Variants in CDC42BPG observed in about 807,000 individuals in gnomAD.
CDC42BPG encodes serine/threonine-protein kinase MRCK gamma.
Under a neutral mutation model 192.2 loss-of-function variants are expected in CDC42BPG, and 157 were observed. The ratio of observed to expected loss-of-function variants is 0.82; its 90% CI spans 0.72 to 0.93. CDC42BPG has a LOEUF of 0.93. Ranked by LOEUF, CDC42BPG falls within the 40% of genes least tolerant of loss-of-function variation. CDC42BPG has a pLI of 0.00. For missense variants in CDC42BPG, 1,992 were observed against 2,122.1 expected (o/e 0.94, Z 1.20); for synonymous variants, 981 against 918.5 (o/e 1.07, Z -1.23).
chr11:64,827,474 G>T, intron 32 of CDC42BPG, 53 bp downstream of exon 32: 3 of 1,603,982 alleles, frequency 1.9e-6, no homozygotes, highest in Non-Finnish European at 2.6e-6. Flanking sequence ...GGGCCACACA[G>T]CCACACGTGC....
chr11:64,836,940 G>A lies in CDC42BPG; in HGVS notation c.1285C>T (p.Leu429=). ...LQCLEQEKVE[L]SRKHQEALHA... ...CCAGTACCTTGGTGCTTCCTGCTCA[G>A]CTCCACCTTCTCCTGCTCCAGACAC... is the stretch of plus-strand genomic sequence containing the variant. Residue 429 remains leucine (L), a synonymous_variant, in exon 10 of 37, where the codon CTG becomes TTG. Coordinates refer to ENST00000342711, the MANE Select transcript of CDC42BPG (RefSeq NM_017525.3). 6.2e-7 allele frequency: 1 copy of A among 1,613,502 alleles called. No homozygotes were observed. Among genetic ancestry groups the A allele is most frequent in the Non-Finnish European group, 8.5e-7 (1 of 1,179,946 alleles).
chr11:64,838,988 G>A (rs773000935), intron 7 of CDC42BPG, 45 bp downstream of exon 7: 162 of 1,612,262 alleles, frequency 1.0e-4, no homozygotes, highest in Non-Finnish European at 1.3e-4. Context: ...ACAGACTCAG[G>A]GGTCCCACTG....
intron 5 of CDC42BPG, among the ~76,000 whole-genome samples, chr11:64,839,840 C>A (rs1191990092): frequency 6.6e-6 from 1 of 152,158 alleles, no homozygotes; most frequent in Non-Finnish European, 1.5e-5. Flanking sequence ...GTCAGACTTC[C>A]CCAGTGCAGA....
intron 30 of CDC42BPG, among the ~76,000 whole-genome samples, chr11:64,828,330 C>G (rs1189962984): frequency 6.6e-6 from 1 of 152,186 alleles, no homozygotes; most frequent in African/African-American, 2.4e-5. Flanking sequence ...CCCATCGCCC[C>G]TGGAGTGTGC....
In CDC42BPG at chr11:64,840,327, C is replaced by T. The variant is rs570970543; in HGVS notation, c.433-59G>A. On this transcript the variant is annotated intron_variant, in intron 4 of 36. Coordinates refer to ENST00000342711, the MANE Select transcript of CDC42BPG (RefSeq NM_017525.3). The stretch of plus-strand genomic sequence containing the variant: ...AAGGGTGCACCTGGCCACTTCACCG[C>T]GGTCCCGCAGGGCTCTGGGAAGGCA... 1.4e-4 allele frequency: 216 copies of T among 1,583,924 alleles called. 1 individual carries two copies. The highest frequency in any genetic ancestry group is 1.3e-3 in the African/African-American group (100 of 74,756).
At position 64,829,610 on chromosome 11, in the gene CDC42BPG, C is replaced by T. The variant is rs540134135; in HGVS notation, c.3828G>A (p.Leu1276=). The change falls in exon 30 of 37, where the codon CTG becomes CTA. Residue 1276 remains leucine (L), a synonymous_variant. Transcript: ENST00000342711. The part of the protein sequence containing the change: ...PEELPPSRGG[L]GEALGAVELS... The stretch of plus-strand genomic sequence containing the variant: ...GCTCCACGGCACCCAGTGCCTCACC[C>T]AGGCCCCCGCGGGATGGTGGCAGCT... 1.2e-5 allele frequency: 20 copies of T among 1,611,782 alleles called. No individual in the cohort carries two copies. The African/African-American group carries it at 2.5e-4, about 20-fold the overall frequency.
intron 30 of CDC42BPG, among the ~76,000 whole-genome samples, chr11:64,828,626 A>G (rs1942543121): frequency 6.6e-6 from 1 of 152,214 alleles, no homozygotes; most frequent in Non-Finnish European, 1.5e-5. Context: ...AGAGTTTGCC[A>G]GGTACAGGCC....
intron 10 of CDC42BPG, 42 bp from the exon 11 acceptor site, chr11:64,836,861 T>C (rs1225229421): frequency 6.2e-7 from 1 of 1,609,146 alleles, no homozygotes; most frequent in African/African-American, 1.3e-5. Flanking sequence ...CACTCCTCCA[T>C]TCCCGCAGCA....
At chr11:64,843,854 A>G (rs1217797941) in intron 1 of CDC42BPG, among the ~76,000 whole-genome samples, 1 of 152,042 alleles carries the variant, frequency 6.6e-6, no homozygotes, top group Non-Finnish European at 1.5e-5. Context: ...GTGGTCTTGT[A>G]CCCAGGGAGC....
At chr11:64,835,021 C>T (rs1298250306) in intron 17 of CDC42BPG, 26 bp downstream of exon 17, 2 of 1,601,604 alleles carry the variant, frequency 1.2e-6, no homozygotes, top group Admixed American at 1.7e-5. Flanking sequence ...CTGCGTTCCC[C>T]ACCCCGACCC....
rs1592712713 is a variant in CDC42BPG at position 64,836,740 on chromosome 11, T to C, written c.1383A>G (p.Pro461=). The change falls in exon 11 of 37, where the codon CCA becomes CCG. Residue 461 remains proline (P), a splice_region_variant and synonymous_variant. Transcript: ENST00000342711. The part of the protein sequence containing the change: ...KEVQTLRDRL[P]EMLRDKASLS... ...GGGGGGGGTGGGCGGAAGGGATACC[T>C]GGCAGCCTGTCCCGCAGAGTCTGCA... is the stretch of plus-strand genomic sequence containing the variant. 1 of 1,112,632 alleles carries C rather than the reference T, an allele frequency of 9.0e-7. No homozygotes were observed. The highest frequency in any genetic ancestry group is 1.3e-6 in the Non-Finnish European group (1 of 793,780). 68.9% of individuals were successfully genotyped at this position (1,112,632 alleles called of 1,614,324 possible).
chr11:64,837,237 T>A (rs1358606450), intron 9 of CDC42BPG, among the ~76,000 whole-genome samples: 1 of 152,234 alleles, frequency 6.6e-6, no homozygotes, highest in Non-Finnish European at 1.5e-5. Flanking sequence ...TCCTGGCCCT[T>A]ACAAGCTGTA....
chr11:64,826,482 G>C lies in CDC42BPG; in HGVS notation c.4587C>G (p.Thr1529=), dbSNP rs868258731. Residue 1529 remains threonine, a synonymous_variant, in exon 36 of 37, where the codon ACC becomes ACG. Coordinates refer to ENST00000342711, the MANE Select transcript of CDC42BPG (RefSeq NM_017525.3). ...CGGACCCGCTCACCTGCATTAGGGA[G>C]GTTGCAGGGCTCAGCGATCCCTGGG... The part of the protein sequence containing the change: ...SCPQGSLSPA[T]SLMQVSERPR... 6.3e-7 allele frequency: 1 copy of C among 1,599,624 alleles called. No individual in the cohort carries two copies. Among genetic ancestry groups the C allele is most frequent in the Non-Finnish European group, 8.5e-7 (1 of 1,173,134 alleles).
chr11:64,835,422 G>C lies in CDC42BPG; in HGVS notation c.1881-3C>G. 2 of 1,613,502 alleles carry C rather than the reference G, an allele frequency of 1.2e-6. No individual in the cohort carries two copies. Among genetic ancestry groups the C allele is most frequent in the Non-Finnish European group, 1.7e-6 (2 of 1,179,976 alleles). ...GAGCCTCCTCCTTACCACTCGGCCT[G>C]GGGAGGAGAAGGCCAAGGCCGTGAC... is the stretch of plus-strand genomic sequence containing the variant. On this transcript the variant is annotated splice_region_variant and splice_polypyrimidine_tract_variant and intron_variant, in intron 15 of 36. Coordinates refer to ENST00000342711, the MANE Select transcript of CDC42BPG (RefSeq NM_017525.3).
At chr11:64,842,974 T>C (rs925140104) in intron 1 of CDC42BPG, among the ~76,000 whole-genome samples, 2 of 152,090 alleles carry the variant, frequency 1.3e-5, no homozygotes, top group African/African-American at 4.8e-5. Context: ...CAGAAATTCA[T>C]TGTCTCTTTC....
chr11:64,827,020 G>A (rs1457231531), intron 34 of CDC42BPG, 30 bp downstream of exon 34: 1 of 1,478,452 alleles, frequency 6.8e-7, no homozygotes, highest in Non-Finnish European at 9.4e-7. Context: ...CCTCACCAAA[G>A]TGGCTTGTGA....
Position 64,831,718 on chromosome 11 carries a change from T to G in CDC42BPG, c.3091A>C (p.Thr1031Pro). ...GGCGGCACTGCCAGCTGGGAGGTTG[T>G]CACCTGTGGGCAAGGACCCCAGCTG... ...SRDLPRIFRV[T>P]TSQLAVPPTT... The change falls in exon 28 of 37, where the codon ACA becomes CCA. Residue 1031 changes from threonine (T) to proline (P), a missense_variant. Physicochemically the swap from Thr to Pro is conservative, Grantham distance 38. This residue lies in a region of CDC42BPG where 1,656 missense variants were observed against 1,844.3 expected (regional missense o/e 0.90). Transcript: ENST00000342711. 6.3e-7 allele frequency: 1 copy of G among 1,592,370 alleles called. No individual in the cohort carries two copies. Among genetic ancestry groups the G allele is most frequent in the Admixed American group, 1.7e-5 (1 of 57,658 alleles).
intron 20 of CDC42BPG, 73 bp downstream of exon 20, chr11:64,834,193 C>A: frequency 6.8e-7 from 1 of 1,465,316 alleles, no homozygotes; most frequent in Non-Finnish European, 9.2e-7. Context: ...GCCAGGCCAT[C>A]GTGGAGCCCC....
intron 36 of CDC42BPG, among the ~76,000 whole-genome samples, chr11:64,825,868 C>T (rs1942393197): frequency 6.6e-6 from 1 of 152,044 alleles, no homozygotes; most frequent in African/African-American, 2.4e-5. Flanking sequence ...GAGTTCGAGA[C>T]CAGCCTGGCC....
Sources: gnomAD v4.1 joint callset for allele counts (sites outside exome capture counted in the v4.1 genomes callset) on GRCh38, gnomAD v4.1.1 for gene constraint, gnomAD v4.1.1 regional missense constraint, MANE v1.5 for transcripts, NCBI Gene and HGNC (gene_info 2026-07-23, HGNC 2026-07-21) for gene names.